Variants in DNM1 observed in about 807,000 individuals in gnomAD.
The protein encoded by DNM1 is dynamin 1, also known as dynamin-1.
In DNM1, 29 loss-of-function variants were observed where a neutral mutation model predicts 104.6. The observed-to-expected ratio is 0.28, with a 90% CI of 0.21 to 0.38. The LOEUF is 0.38. Among genes scored for constraint, DNM1 ranks in the 10% least tolerant of loss-of-function variants. The pLI, the probability that DNM1 is intolerant of heterozygous loss-of-function variation, is 1.00. For missense variants in DNM1, 640 were observed against 1,189.4 expected (o/e 0.54, Z 6.79); for synonymous variants, 445 against 475.8 (o/e 0.94, Z 0.84).
chr9:128,254,225 T>C lies in DNM1; in HGVS notation c.2535-429T>C. ...AGTTTCACCCTCCTGGTTCAAGCAG[T>C]GTTCTTTCTCTATCAGGCCTGGTGG... On this transcript the variant is annotated intron_variant, in intron 21 of 21. Coordinates refer to ENST00000372923, the MANE Select transcript of DNM1 (RefSeq NM_004408.4). This position sits in a 1 kb window ranked among gnomAD's most constrained non-coding sequence, Gnocchi z 6.1. 3.7e-6 allele frequency: 5 copies of C among 1,352,100 alleles called. No individual in the cohort carries two copies. The highest frequency in any genetic ancestry group is 4.7e-6 in the Non-Finnish European group (5 of 1,061,310). 83.8% of individuals were successfully genotyped at this position (1,352,100 alleles called of 1,614,324 possible).
chr9:128,252,773 G>A (rs1238019962), intron 21 of DNM1: 2 of 608,626 alleles, frequency 3.3e-6, no homozygotes, highest in African/African-American at 3.6e-5. Context: ...GAGTGTGCAG[G>A]GAGCTGGTGC....
Position 128,237,220 on chromosome 9 carries a change from G to A in DNM1, c.1423-2225G>A, listed in dbSNP as rs530952041. Among the ~76,000 whole-genome samples the A allele has an allele frequency of 1.5e-3, 223 of 151,406 alleles. 1 individual carries two copies. Among genetic ancestry groups the A allele is most frequent in the Middle Eastern group, 0.014 (4 of 284 alleles). ...ATTCCAAATATGTTCACATTTAATCGTTTGCAAGGGTCTTCCCAGGCCGGA... is the reference window on the plus strand; with the variant it reads ...ATTCCAAATATGTTCACATTTAATCATTTGCAAGGGTCTTCCCAGGCCGGA... On this transcript the variant is annotated intron_variant, in intron 11 of 21. Transcript: ENST00000372923.
At position 128,220,438 on chromosome 9, in the gene DNM1, C is replaced by A; in HGVS notation, c.849+97C>A. On this transcript the variant is annotated intron_variant, in intron 6 of 21. Coordinates refer to ENST00000372923, the MANE Select transcript of DNM1 (RefSeq NM_004408.4). This position sits in a 1 kb window ranked among gnomAD's most constrained non-coding sequence, Gnocchi z 5.2. Reference sequence around the variant, plus strand: ...AGTGAACAGCAGAGGTTAGCCTCTCCGTAGTGCAGATAGACAAACTGAGCC... The same window carrying A: ...AGTGAACAGCAGAGGTTAGCCTCTCAGTAGTGCAGATAGACAAACTGAGCC... The A allele has an allele frequency of 6.9e-7, 1 of 1,459,824 alleles. No individual in the cohort carries two copies. Among genetic ancestry groups the A allele is most frequent in the Non-Finnish European group, 9.3e-7 (1 of 1,075,370 alleles). The allele number at this position is 1,459,824 out of a possible 1,614,324, so 90.4% of individuals were successfully genotyped here.
chr9:128,222,574 G>A lies in DNM1; in HGVS notation c.1106G>A (p.Arg369His). The A allele has an allele frequency of 1.2e-6, 2 of 1,614,128 alleles. No homozygotes were observed. Among genetic ancestry groups the A allele is most frequent in the Non-Finnish European group, 1.7e-6 (2 of 1,180,020 alleles). Residue 369 changes from arginine (R) to histidine (H), a missense_variant, in exon 8 of 22, where the codon CGC becomes CAC. Arg to His is a conservative substitution (Grantham distance 29). Coordinates refer to ENST00000372923, the MANE Select transcript of DNM1 (RefSeq NM_004408.4). This position sits in a 1 kb window ranked among gnomAD's most constrained non-coding sequence, Gnocchi z 7.8. ...CGCATTAACCGAATCTTCCACGAGC[G>A]CTTCCCTTTCGAGCTGGTCAAGGTA... Reference protein sequence around the residue: ...GARINRIFHERFPFELVKMEF... With the variant: ...GARINRIFHEHFPFELVKMEF...
Position 128,224,046 on chromosome 9 carries a change from C to T in DNM1, c.1197-205C>T. The T allele has an allele frequency of 1.7e-6, 1 of 588,534 alleles. No individual in the cohort carries two copies. Among genetic ancestry groups the T allele is most frequent in the Non-Finnish European group, 2.7e-6 (1 of 365,528 alleles). 36.5% of individuals were successfully genotyped at this position (588,534 alleles called of 1,614,324 possible). A position where few individuals can be genotyped will look rare whatever the true frequency, so the allele number is the denominator to read the frequency against. On this transcript the variant is annotated intron_variant, in intron 9 of 21. Coordinates refer to ENST00000372923, the MANE Select transcript of DNM1 (RefSeq NM_004408.4). The surrounding 1 kb of genome is among the most constrained non-coding windows in gnomAD (Gnocchi z 4.3). ...CCTGGGCGACAGAGCAAGACTCCGTCTCAAAAAAAATAACAACAACAACAA... is the reference window on the plus strand; with the variant it reads ...CCTGGGCGACAGAGCAAGACTCCGTTTCAAAAAAAATAACAACAACAACAA...
chr9:128,226,074 A>G (rs1835325005), intron 10 of DNM1: 2 of 1,612,646 alleles, frequency 1.2e-6, no homozygotes, highest in South Asian at 2.2e-5. Flanking sequence ...TTGAAGCCAC[A>G]GTGAAAAAGC....
chr9:128,233,747 C>T (rs1835837596), intron 10 of DNM1: 1 of 529,138 alleles, frequency 1.9e-6, no homozygotes, highest in Non-Finnish European at 3.4e-6. Context: ...GGGAACCACC[C>T]CTCTGCCCTG....
At position 128,219,998 on chromosome 9, in the gene DNM1, C is replaced by T. The variant is rs1834848293; in HGVS notation, c.600C>T (p.Thr200=). Residue 200 remains threonine, a synonymous_variant, in exon 5 of 22, where the codon ACC becomes ACT. Transcript: ENST00000372923. ...TGCTGGTGCACCCAGGCCAGCGCAC[C>T]ATCGGGGTCATCACCAAGCTGGACC... is the stretch of plus-strand genomic sequence containing the variant. ...AKEVDPQGQR[T]IGVITKLDLM... is the part of the protein sequence containing the mutation. 2 of 1,582,924 alleles carry T rather than the reference C, an allele frequency of 1.3e-6. No individual in the cohort carries two copies. Among genetic ancestry groups the T allele is most frequent in the Non-Finnish European group, 1.7e-6 (2 of 1,164,008 alleles).
In DNM1 at chr9:128,248,344, C is replaced by T. The variant is rs184863641; in HGVS notation, c.1906-239C>T. Reference sequence around the variant, plus strand: ...CTCAAAATAATAATAATAATAATTTCTGGATTGGGAAATTGAGGCAAATTC... The same window carrying T: ...CTCAAAATAATAATAATAATAATTTTTGGATTGGGAAATTGAGGCAAATTC... On this transcript the variant is annotated intron_variant, in intron 18 of 21. Transcript: ENST00000372923. This position sits in a 1 kb window ranked among gnomAD's most constrained non-coding sequence, Gnocchi z 5.6. 1.2e-4 allele frequency: 62 copies of T among 523,348 alleles called. No individual in the cohort carries two copies. Among genetic ancestry groups the T allele is most frequent in the Admixed American group, 3.3e-5 (1 of 30,100 alleles). 32.4% of individuals were successfully genotyped at this position (523,348 alleles called of 1,614,324 possible).
At chr9:128,221,280 G>C (rs994029313) in intron 6 of DNM1, 1 of 152,062 alleles carries the variant, frequency 6.6e-6, no homozygotes, top group African/African-American at 2.4e-5. Flanking sequence ...AGTAGAGACG[G>C]GGTTTCACCA....
chr9:128,205,597 TG>T (rs1407352676), intron 1 of DNM1, among the ~76,000 whole-genome samples: 1 of 152,034 alleles, frequency 6.6e-6, no homozygotes, highest in African/African-American at 2.4e-5. Context: ...GACGTGTGGG[TG>T]GGTGGGCCTC....
chr9:128,233,374 T>G (rs1835815928), intron 10 of DNM1, among the ~76,000 whole-genome samples: 1 of 152,186 alleles, frequency 6.6e-6, no homozygotes, highest in East Asian at 1.9e-4. Flanking sequence ...CTCATGCTGC[T>G]GGCCCCCGCC....
chr9:128,239,401 G>A (rs771534171), intron 11 of DNM1, 44 bp from the exon 12 acceptor site: 2 of 1,501,378 alleles, frequency 1.3e-6, no homozygotes, highest in Non-Finnish European at 1.9e-6. Flanking sequence ...TTAAAACTTT[G>A]TGGTGTCTTT....
chr9:128,239,831 A>T, intron 13 of DNM1, 52 bp downstream of exon 13: 1 of 1,588,510 alleles, frequency 6.3e-7, no homozygotes, highest in East Asian at 2.2e-5. Flanking sequence ...CCGGACGGAC[A>T]CCAGACTCTG....
rs895704653 is a variant in DNM1, at chr9:128,203,739, C to T, written c.161+108C>T. 4.8e-6 allele frequency: 5 copies of T among 1,052,348 alleles called. No individual in the cohort carries two copies. Among genetic ancestry groups the T allele is most frequent in the Non-Finnish European group, 6.1e-6 (5 of 824,708 alleles). 65.2% of individuals were successfully genotyped at this position (1,052,348 alleles called of 1,614,324 possible). On this transcript the variant is annotated intron_variant, in intron 1 of 21. Coordinates refer to ENST00000372923, the MANE Select transcript of DNM1 (RefSeq NM_004408.4). This position sits in a 1 kb window ranked among gnomAD's most constrained non-coding sequence, Gnocchi z 5.3. ...ACCTCGCAGCCCCCGACGCTGCACC[C>T]GCGGCCGGCGCGCCCCCCACCCCCA...
chr9:128,224,468 C>T lies in DNM1; in HGVS notation c.1335+79C>T, dbSNP rs1354493173. The T allele has an allele frequency of 4.2e-6, 6 of 1,419,994 alleles. No individual in the cohort carries two copies. The highest frequency in any genetic ancestry group is 4.8e-6 in the Non-Finnish European group (5 of 1,035,064). 88.0% of individuals were successfully genotyped at this position (1,419,994 alleles called of 1,614,324 possible). A position where few individuals can be genotyped will look rare whatever the true frequency, so the allele number is the denominator to read the frequency against. ...TGCCAGGCGCTCCTTCCCCATGTCC[C>T]CCCCTGCCTCCTCGGTAGCATGTAC... On this transcript the variant is annotated intron_variant, in intron 10 of 21. Coordinates refer to ENST00000372923, the MANE Select transcript of DNM1 (RefSeq NM_004408.4). The surrounding 1 kb of genome is among the most constrained non-coding windows in gnomAD (Gnocchi z 4.3).
chr9:128,235,648 C>A (rs1299801521), intron 11 of DNM1, among the ~76,000 whole-genome samples: 1 of 152,310 alleles, frequency 6.6e-6, no homozygotes, highest in South Asian at 2.1e-4. Flanking sequence ...CTATCTGAGT[C>A]CCCACTTTCT....
intron 1 of DNM1, among the ~76,000 whole-genome samples, chr9:128,214,179 T>G (rs1834470787): frequency 6.6e-6 from 1 of 152,172 alleles, no homozygotes; most frequent in African/African-American, 2.4e-5. Context: ...CTGCCTCTTC[T>G]GGTGACGAGG....
intron 1 of DNM1, among the ~76,000 whole-genome samples, chr9:128,216,708 T>A (rs1204682972): frequency 6.6e-6 from 1 of 152,158 alleles, no homozygotes; most frequent in Non-Finnish European, 1.5e-5. Flanking sequence ...CTGGGTCTAG[T>A]CTGTTGTACC....
Sources: gnomAD v4.1 joint callset for allele counts (sites outside exome capture counted in the v4.1 genomes callset) on GRCh38, gnomAD v4.1.1 for gene constraint, Gnocchi (gnomAD v3.1) non-coding constraint, MANE v1.5 for transcripts, NCBI Gene and HGNC (gene_info 2026-07-23, HGNC 2026-07-21) for gene names.